The following ADAMTS2 variants were observed in gnomAD, a reference collection of about 807,000 sequenced individuals.
The protein encoded by ADAMTS2 is A disintegrin and metalloproteinase with thrombospondin motifs 2.
ADAMTS2 carries 50 observed loss-of-function variants against 123.0 expected under a neutral mutation model. The observed-to-expected ratio is 0.41, with a 90% CI of 0.32 to 0.51. The LOEUF (loss-of-function observed/expected upper bound fraction) is 0.51. Ranked by LOEUF, ADAMTS2 falls within the 20% of genes least tolerant of loss-of-function variation. The pLI, the probability that ADAMTS2 is intolerant of heterozygous loss-of-function variation, is 0.35. For synonymous variants in ADAMTS2, 678 were observed against 695.4 expected, an observed-to-expected ratio of 0.98 and a Z score of 0.39; for missense variants, 1,494 against 1,705.2, an observed-to-expected ratio of 0.88 and a Z score of 2.18.
At chr5:179,207,471 A>ACCCCACCCCCC in intron 4 of ADAMTS2, 42 bp downstream of exon 4, 2 of 1,026,474 alleles carry the variant, frequency 1.9e-6, no homozygotes, top group Non-Finnish European at 1.5e-6. Context: ...CCCCTGGTTG[A>ACCCCACCCCCC]CCCTCCCCGC....
chr5:179,231,815 C>T (rs1222698753), intron 3 of ADAMTS2, among the ~76,000 whole-genome samples: 1 of 150,062 alleles, frequency 6.7e-6, no homozygotes, highest in African/African-American at 2.5e-5. Context: ...TTTAGGAGGC[C>T]GAGGGGGTAG....
chr5:179,280,428 G>C (rs1005099176), intron 2 of ADAMTS2, among the ~76,000 whole-genome samples: 3 of 152,154 alleles, frequency 2.0e-5, no homozygotes, highest in African/African-American at 7.2e-5. Flanking sequence ...TGAGGAGCTG[G>C]ACTACGTAAC....
At chr5:179,240,656 A>G (rs559763142) in intron 3 of ADAMTS2, among the ~76,000 whole-genome samples, 1 of 152,220 alleles carries the variant, frequency 6.6e-6, no homozygotes, top group East Asian at 1.9e-4. Flanking sequence ...GTCATGGTCG[A>G]CCTCATGGGA....
Position 179,345,336 on chromosome 5 carries a change from G to A in ADAMTS2, c.-8C>T. On this transcript the variant is annotated 5_prime_UTR_variant, in exon 1 of 22. Coordinates refer to ENST00000251582, the MANE Select transcript of ADAMTS2 (RefSeq NM_014244.5). The surrounding 1 kb of genome is among the most constrained non-coding windows in gnomAD (Gnocchi z 7.5). The stretch of plus-strand genomic sequence containing the variant: ...TCCCGCCGGCGGATCCATGGCAGCC[G>A]GACTGCAGCCGGGGCCCCGCACTCG... 8.8e-7 allele frequency: 1 copy of A among 1,131,172 alleles called. No individual in the cohort carries two copies. Among genetic ancestry groups the A allele is most frequent in the Non-Finnish European group, 1.1e-6 (1 of 923,740 alleles). The allele number at this position is 1,131,172 out of a possible 1,614,324, so 70.1% of individuals were successfully genotyped here.
At chr5:179,195,957 CGTG>C (rs1764420161) in intron 4 of ADAMTS2, among the ~76,000 whole-genome samples, 1 of 152,084 alleles carries the variant, frequency 6.6e-6, no homozygotes, top group Non-Finnish European at 1.5e-5. Flanking sequence ...GCCAGCGACT[CGTG>C]AACTATGACT....
Position 179,228,147 on chromosome 5 carries a change from C to G in ADAMTS2, c.689-20432G>C, listed in dbSNP as rs1367668173. ...ACTCAGGCAGGAGTGGTCTGGAGCA[C>G]AGAGAGAGGGTGGGCCGGAGGCCCC... On this transcript the variant is annotated intron_variant, in intron 3 of 21. Coordinates refer to ENST00000251582, the MANE Select transcript of ADAMTS2 (RefSeq NM_014244.5). This position sits in a 1 kb window ranked among gnomAD's most constrained non-coding sequence, Gnocchi z 5.2. Among the ~76,000 whole-genome samples, 1 of 152,158 alleles carries G rather than the reference C, an allele frequency of 6.6e-6. No homozygotes were observed. Among genetic ancestry groups the G allele is most frequent in the Non-Finnish European group, 1.5e-5 (1 of 68,006 alleles).
chr5:179,253,971 T>C (rs1220511051), intron 3 of ADAMTS2, among the ~76,000 whole-genome samples: 1 of 152,124 alleles, frequency 6.6e-6, no homozygotes, highest in Non-Finnish European at 1.5e-5. Context: ...AGTTCAGAGG[T>C]GATCGGAGCC....
chr5:179,342,986 G>C (rs1268756649), intron 2 of ADAMTS2, among the ~76,000 whole-genome samples: 4 of 148,962 alleles, frequency 2.7e-5, no homozygotes, highest in African/African-American at 9.7e-5. Flanking sequence ...TCCTTCAGGC[G>C]CTGCCCCCAA....
chr5:179,132,992 C>A lies in ADAMTS2; in HGVS notation c.2086-92G>T, dbSNP rs1762992503. On this transcript the variant is annotated intron_variant, in intron 13 of 21. Coordinates refer to ENST00000251582, the MANE Select transcript of ADAMTS2 (RefSeq NM_014244.5). The surrounding 1 kb of genome is among the most constrained non-coding windows in gnomAD (Gnocchi z 6.1). The stretch of plus-strand genomic sequence containing the variant: ...GCCCCCAGTCTCGAACACCTGGCCT[C>A]AAGCGATCCTCCTGCCTTGGCCTCC... 7.2e-6 allele frequency: 11 copies of A among 1,520,854 alleles called. No individual in the cohort carries two copies. Among genetic ancestry groups the A allele is most frequent in the Non-Finnish European group, 8.9e-6 (10 of 1,124,364 alleles). 94.2% of individuals were successfully genotyped at this position (1,520,854 alleles called of 1,614,324 possible). A position where few individuals can be genotyped will look rare whatever the true frequency, so the allele number is the denominator to read the frequency against.
rs533881171 is a variant in ADAMTS2, at chr5:179,287,013, G to A, written c.535-13949C>T. 1.6e-4 allele frequency among the ~76,000 whole-genome samples: 25 copies of A among 152,308 alleles called. 1 individual carries two copies. The South Asian group carries it at 5.2e-3, about 32-fold the overall frequency. ...ACAGCCAATATCCTGATCTACGGGA[G>A]TTTAGGACCTCAACAAAGGAACTGG... is the stretch of plus-strand genomic sequence containing the variant. On this transcript the variant is annotated intron_variant, in intron 2 of 21. Transcript: ENST00000251582.
In ADAMTS2 at chr5:179,345,258, G is replaced by GGCGGCA. The variant is rs1561778881; in HGVS notation, c.70_71insTGCCGC (p.Leu23_Pro24insLeuPro). ...CGGCGGCGGCGGCAGGAGCGGCGGC[G>GGCGGCA]GCAGCAGCAGCAGCAGCAGCAGCAG... is the stretch of plus-strand genomic sequence containing the variant. On this transcript the variant is annotated inframe_insertion, in exon 1 of 22. Transcript: ENST00000251582. This position sits in a 1 kb window ranked among gnomAD's most constrained non-coding sequence, Gnocchi z 7.5. 1.4e-5 allele frequency: 16 copies of GGCGGCA among 1,136,426 alleles called. No homozygotes were observed. In the African/African-American group the frequency reaches 1.5e-4, roughly 11 times the overall value. 70.4% of individuals were successfully genotyped at this position (1,136,426 alleles called of 1,614,324 possible).
At chr5:179,179,307 A>C (rs1763997087) in intron 5 of ADAMTS2, among the ~76,000 whole-genome samples, 1 of 151,550 alleles carries the variant, frequency 6.6e-6, no homozygotes, top group African/African-American at 2.4e-5. Flanking sequence ...TAGGTTTATA[A>C]ATTCTGCTGC....
Position 179,130,344 on chromosome 5 carries a change from G to A in ADAMTS2, c.2291-246C>T, listed in dbSNP as rs183631701. Among the ~76,000 whole-genome samples the A allele has an allele frequency of 5.3e-5, 8 of 152,284 alleles. No individual in the cohort carries two copies. The highest frequency in any genetic ancestry group is 1.7e-4 in the African/African-American group (7 of 41,584). ...CTCTGCCCCCACCAGCCCTGGAGGT[G>A]CCGGCTCCCCTTGGAAGCCACTCAG... On this transcript the variant is annotated intron_variant, in intron 15 of 21. Coordinates refer to ENST00000251582, the MANE Select transcript of ADAMTS2 (RefSeq NM_014244.5). This position sits in a 1 kb window ranked among gnomAD's most constrained non-coding sequence, Gnocchi z 4.3.
Position 179,345,263 on chromosome 5 carries a change from C to CAGA in ADAMTS2, c.65_66insTCT (p.Leu23dup). On this transcript the variant is annotated inframe_insertion, in exon 1 of 22. Coordinates refer to ENST00000251582, the MANE Select transcript of ADAMTS2 (RefSeq NM_014244.5). This position sits in a 1 kb window ranked among gnomAD's most constrained non-coding sequence, Gnocchi z 7.5. Reference sequence around the variant, plus strand: ...GCGGCGGCAGGAGCGGCGGCGGCAGCAGCAGCAGCAGCAGCAGCAGCGCGG... The same window carrying CAGA: ...GCGGCGGCAGGAGCGGCGGCGGCAGCAGAAGCAGCAGCAGCAGCAGCAGCGCGG... 4.3e-5 allele frequency: 49 copies of CAGA among 1,143,068 alleles called. No individual in the cohort carries two copies. The highest frequency in any genetic ancestry group is 5.2e-5 in the Non-Finnish European group (49 of 933,386). The allele number at this position is 1,143,068 out of a possible 1,614,324, so 70.8% of individuals were successfully genotyped here.
At chr5:179,269,455 C>CGA (rs969353705) in intron 3 of ADAMTS2, among the ~76,000 whole-genome samples, 5 of 151,884 alleles carry the variant, frequency 3.3e-5, no homozygotes, top group African/African-American at 9.7e-5. Flanking sequence ...TGGCAGCAGC[C>CGA]GAGAGAGAGA....
At chr5:179,278,521 G>C (rs1471583115) in intron 2 of ADAMTS2, among the ~76,000 whole-genome samples, 2 of 152,112 alleles carry the variant, frequency 1.3e-5, no homozygotes, top group Non-Finnish European at 2.9e-5. Context: ...AACTCCAGAA[G>C]CACACTAGGC....
intron 5 of ADAMTS2, among the ~76,000 whole-genome samples, chr5:179,167,814 T>C (rs1442229281): frequency 6.6e-6 from 1 of 152,242 alleles, no homozygotes; most frequent in Non-Finnish European, 1.5e-5. Context: ...GCTGGGGGGC[T>C]TCCGCCCATG....
At position 179,180,450 on chromosome 5, in the gene ADAMTS2, G is replaced by A. The variant is rs371261799; in HGVS notation, c.975+622C>T. Among the ~76,000 whole-genome samples, 5 of 152,300 alleles carry A rather than the reference G, an allele frequency of 3.3e-5. No individual in the cohort carries two copies. The East Asian group carries it at 5.8e-4, about 18-fold the overall frequency. ...ACGTGTTTCTGATGCTTTGACATCC[G>A]AGCCTTGCTGACTCTGGAGGGACTG... On this transcript the variant is annotated intron_variant, in intron 5 of 21. Transcript: ENST00000251582. This position sits in a 1 kb window ranked among gnomAD's most constrained non-coding sequence, Gnocchi z 4.6.
At chr5:179,192,997 A>C (rs550552870) in intron 4 of ADAMTS2, among the ~76,000 whole-genome samples, 1 of 152,144 alleles carries the variant, frequency 6.6e-6, no homozygotes, top group African/African-American at 2.4e-5. Context: ...AGGGTGGCCG[A>C]GGGCTGGCAC....
Sources: gnomAD v4.1 joint callset for allele counts (sites outside exome capture counted in the v4.1 genomes callset) on GRCh38, gnomAD v4.1.1 for gene constraint, Gnocchi (gnomAD v3.1) non-coding constraint, MANE v1.5 for transcripts, NCBI Gene and HGNC (gene_info 2026-07-23, HGNC 2026-07-21) for gene names.